The following TCF4 variants were observed in gnomAD, a reference collection of about 807,000 sequenced individuals.
TCF4 encodes the protein SL3-3 enhancer factor 2.
A neutral mutation model predicts 82.1 loss-of-function variants in TCF4; 3 were observed. The observed-to-expected ratio is 0.04, with a 90% CI of 0.02 to 0.09. The LOEUF (loss-of-function observed/expected upper bound fraction) is 0.09. Ranked by LOEUF, TCF4 falls within the 10% of genes least tolerant of loss-of-function variation. The probability of loss-of-function intolerance (pLI) is 1.00; values close to 1 mark genes in which losing one functional copy is unlikely to be tolerated. For missense variants in TCF4, 518 were observed against 852.7 expected, an observed-to-expected ratio of 0.61 and a Z score of 4.89; for synonymous variants, 276 against 309.6, an observed-to-expected ratio of 0.89 and a Z score of 1.14.
chr18:55,278,847 G>A (rs750358143), intron 9 of TCF4, among the ~76,000 whole-genome samples: 6 of 152,228 alleles, frequency 3.9e-5, no homozygotes, highest in Admixed American at 1.3e-4. Flanking sequence ...GATTACAGGC[G>A]TGAGCCACCG....
At chr18:55,522,294 C>G (rs895321212) in intron 3 of TCF4, among the ~76,000 whole-genome samples, 2 of 151,984 alleles carry the variant, frequency 1.3e-5, no homozygotes, top group Non-Finnish European at 2.9e-5. Context: ...TTAAGAAAGG[C>G]AGATTTGCAG....
intron 8 of TCF4, among the ~76,000 whole-genome samples, chr18:55,309,516 C>G (rs1413877453): frequency 2.0e-5 from 3 of 152,200 alleles, no homozygotes; most frequent in Non-Finnish European, 1.5e-5. Context: ...TCCTGCATCA[C>G]CTATCTTACT....
At chr18:55,327,367 C>A (rs2076739046) in intron 8 of TCF4, among the ~76,000 whole-genome samples, 1 of 152,004 alleles carries the variant, frequency 6.6e-6, no homozygotes, top group Admixed American at 6.6e-5. Flanking sequence ...TTCTTGGCAT[C>A]ATTTAGATAT....
chr18:55,522,895 A>G lies in TCF4; in HGVS notation c.146-58758T>C, dbSNP rs142211733. Reference sequence around the variant, plus strand: ...CTACAGAAAATAAGCCACATTTCCAACTATTACAAATATAAAAATAAATCT... The same window carrying G: ...CTACAGAAAATAAGCCACATTTCCAGCTATTACAAATATAAAAATAAATCT... On this transcript the variant is annotated intron_variant, in intron 3 of 19. Coordinates refer to ENST00000354452, the MANE Select transcript of TCF4 (RefSeq NM_001083962.2). 1.3e-3 allele frequency among the ~76,000 whole-genome samples: 196 copies of G among 152,256 alleles called. 1 individual carries two copies. The highest frequency in any genetic ancestry group is 4.0e-3 in the East Asian group (21 of 5,192).
At chr18:55,592,133 CTT>C (rs2097686195), upstream of TCF4, among the ~76,000 whole-genome samples, 1 of 152,092 alleles carries the variant, frequency 6.6e-6, no homozygotes, top group Non-Finnish European at 1.5e-5. Context: ...TCCTGTGAAA[CTT>C]AAATAAAAAA....
At chr18:55,525,203 C>T (rs1161616596) in intron 3 of TCF4, among the ~76,000 whole-genome samples, 1 of 151,342 alleles carries the variant, frequency 6.6e-6, no homozygotes, top group African/African-American at 2.4e-5. Flanking sequence ...ATGTTCCAAT[C>T]AATTCTAAAT....
At chr18:55,510,178 A>G (rs2096810261) in intron 3 of TCF4, among the ~76,000 whole-genome samples, 1 of 152,124 alleles carries the variant, frequency 6.6e-6, no homozygotes, top group African/African-American at 2.4e-5. Context: ...TCAAGGTTAA[A>G]GGTGCACATT....
At chr18:55,520,434 T>G (rs1002067837) in intron 3 of TCF4, among the ~76,000 whole-genome samples, 6 of 152,178 alleles carry the variant, frequency 3.9e-5, no homozygotes, top group Non-Finnish European at 7.4e-5. Context: ...GGATCGATGA[T>G]GTTTATAGAT....
chr18:55,523,678 T>A (rs891256400), intron 3 of TCF4, among the ~76,000 whole-genome samples: 12 of 152,084 alleles, frequency 7.9e-5, no homozygotes, highest in African/African-American at 1.7e-4. Context: ...ACAATTTTTT[T>A]AAAAAAATAG....
At chr18:55,525,665 A>T (rs931657085) in intron 3 of TCF4, among the ~76,000 whole-genome samples, 2 of 152,194 alleles carry the variant, frequency 1.3e-5, no homozygotes, top group African/African-American at 4.8e-5. Flanking sequence ...ATACATGATT[A>T]AAAAGGCTAT....
At chr18:55,463,285 C>A (rs1237352937) in intron 4 of TCF4, among the ~76,000 whole-genome samples, 1 of 152,088 alleles carries the variant, frequency 6.6e-6, no homozygotes, top group Non-Finnish European at 1.5e-5. Flanking sequence ...CACAGATGAT[C>A]CTCTGGATCT....
At chr18:55,405,897 TA>T (rs1372759833) in intron 5 of TCF4, among the ~76,000 whole-genome samples, 1 of 152,192 alleles carries the variant, frequency 6.6e-6, no homozygotes. Context: ...TTTTGCTTGT[TA>T]AAAAATATTT....
At chr18:55,289,969 G>A (rs2064656109) in intron 8 of TCF4, among the ~76,000 whole-genome samples, 2 of 151,898 alleles carry the variant, frequency 1.3e-5, no homozygotes, top group East Asian at 1.9e-4. Flanking sequence ...ACTTTACTAA[G>A]TGCATGCATG....
intron 3 of TCF4, among the ~76,000 whole-genome samples, chr18:55,529,377 A>G (rs908736746): frequency 2.0e-5 from 3 of 152,174 alleles, no homozygotes; most frequent in African/African-American, 4.8e-5. Flanking sequence ...TTCTACTATG[A>G]TATTTCATCC....
At chr18:55,245,403 A>G (rs1336093102) in intron 15 of TCF4, among the ~76,000 whole-genome samples, 1 of 152,212 alleles carries the variant, frequency 6.6e-6, no homozygotes, top group Non-Finnish European at 1.5e-5. Context: ...GAATTACTTC[A>G]TGAGTTGCTA....
intron 8 of TCF4, among the ~76,000 whole-genome samples, chr18:55,317,931 A>C (rs763222672): frequency 1.7e-4 from 26 of 152,132 alleles, no homozygotes; most frequent in Admixed American, 7.2e-4. Flanking sequence ...AAAGCTCATT[A>C]CCATTTACTT....
intron 2 of TCF4, among the ~76,000 whole-genome samples, chr18:55,629,415 C>T (rs2097729532): frequency 6.6e-6 from 1 of 152,132 alleles, no homozygotes; most frequent in African/African-American, 2.4e-5. Context: ...AAATCATGCT[C>T]CAACAAGCCT....
At chr18:55,460,379 G>C (rs942930078) in intron 5 of TCF4, among the ~76,000 whole-genome samples, 1 of 152,008 alleles carries the variant, frequency 6.6e-6, no homozygotes, top group Non-Finnish European at 1.5e-5. Context: ...GTAGCCAAAA[G>C]CAGAAAAACA....
At chr18:55,429,722 C>T (rs1036320577) in intron 5 of TCF4, among the ~76,000 whole-genome samples, 2 of 131,216 alleles carry the variant, frequency 1.5e-5, no homozygotes, top group Admixed American at 9.0e-5. Flanking sequence ...GATGGCACCA[C>T]TGCACTCACT....
Sources: gnomAD v4.1 joint callset for allele counts (sites outside exome capture counted in the v4.1 genomes callset) on GRCh38, gnomAD v4.1.1 for gene constraint, MANE v1.5 for transcripts, NCBI Gene and HGNC (gene_info 2026-07-23, HGNC 2026-07-21) for gene names.